Variants in ATF1 observed in about 807,000 individuals in gnomAD.
ATF1 encodes activating transcription factor 1.
A neutral mutation model predicts 34.7 loss-of-function variants in ATF1; 16 were observed. The observed-to-expected ratio is 0.46, with a 90% CI of 0.31 to 0.70. The LOEUF (loss-of-function observed/expected upper bound fraction) is 0.70, where lower values mean the gene tolerates loss of function less well. Among genes scored for constraint, ATF1 ranks in the 30% least tolerant of loss-of-function variants. The probability of loss-of-function intolerance (pLI) is 0.05; values close to 1 mark genes in which losing one functional copy is unlikely to be tolerated. For synonymous variants in ATF1, 105 were observed against 113.1 expected, an observed-to-expected ratio of 0.93 and a Z score of 0.46; for missense variants, 255 against 321.6, an observed-to-expected ratio of 0.79 and a Z score of 1.58.
intron 2 of ATF1, among the ~76,000 whole-genome samples, chr12:50,795,649 A>ACC (rs2139670901): frequency 6.6e-6 from 1 of 152,166 alleles, no homozygotes; most frequent in Non-Finnish European, 1.5e-5. Context: ...CTCTGGTAAA[A>ACC]TAGTACTGCT....
At chr12:50,774,315 G>A (rs375609356) in intron 1 of ATF1, among the ~76,000 whole-genome samples, 3 of 152,232 alleles carry the variant, frequency 2.0e-5, no homozygotes, top group Admixed American at 1.3e-4. Flanking sequence ...GATTACAGGC[G>A]TGAGCCACCG....
At chr12:50,780,852 C>T (rs955171452) in intron 2 of ATF1, among the ~76,000 whole-genome samples, 1 of 151,698 alleles carries the variant, frequency 6.6e-6, no homozygotes, top group Admixed American at 6.6e-5. Flanking sequence ...CCCAGCTGCT[C>T]GGGAGGCTGA....
intron 1 of ATF1, among the ~76,000 whole-genome samples, chr12:50,767,239 C>T (rs1391143545): frequency 1.3e-5 from 2 of 152,062 alleles, no homozygotes; most frequent in African/African-American, 2.4e-5. Context: ...AAAAATCAGC[C>T]TGGCACGGTG....
At chr12:50,794,047 T>G (rs1398992835) in intron 2 of ATF1, among the ~76,000 whole-genome samples, 1 of 151,838 alleles carries the variant, frequency 6.6e-6, no homozygotes, top group Non-Finnish European at 1.5e-5. Flanking sequence ...ACCTCCCAGG[T>G]TCACGCCCTT....
At chr12:50,815,392 A>AT (rs764912430) in intron 6 of ATF1, among the ~76,000 whole-genome samples, 2,409 of 147,732 alleles carry the variant, frequency 0.016, 22 homozygotes, top group African/African-American at 0.031. Context: ...GGTTTTTGTG[A>AT]TTTTTTTTTT....
intron 4 of ATF1, 104 bp from the exon 5 acceptor site, chr12:50,813,906 A>T: frequency 8.9e-7 from 1 of 1,126,394 alleles, no homozygotes; most frequent in Non-Finnish European, 1.3e-6. Context: ...GTAGAAGTGC[A>T]TTCATACCTG....
At chr12:50,783,281 G>T (rs1941111558) in intron 2 of ATF1, among the ~76,000 whole-genome samples, 1 of 152,112 alleles carries the variant, frequency 6.6e-6, no homozygotes, top group South Asian at 2.1e-4. Flanking sequence ...TGACCCAAAG[G>T]GGTTAGTCCT....
chr12:50,815,112 A>T (rs1252830425), intron 6 of ATF1, among the ~76,000 whole-genome samples: 1 of 151,564 alleles, frequency 6.6e-6, no homozygotes, highest in Non-Finnish European at 1.5e-5. Context: ...ACAGAGTGAG[A>T]CTCTGTCTCA....
intron 2 of ATF1, chr12:50,788,299 C>T: frequency 2.3e-6 from 1 of 442,806 alleles, no homozygotes; most frequent in Admixed American, 2.5e-5. Context: ...CCTCCTGCCT[C>T]AGCTCCCCAA....
At chr12:50,795,775 C>A in intron 2 of ATF1, 134 bp from the exon 3 acceptor site, 2 of 717,950 alleles carry the variant, frequency 2.8e-6, no homozygotes, top group Non-Finnish European at 4.6e-6. Context: ...TTGTTCCTTT[C>A]TTTTAGACTT....
chr12:50,812,713 A>G (rs964298442), intron 4 of ATF1, among the ~76,000 whole-genome samples: 5 of 152,060 alleles, frequency 3.3e-5, no homozygotes, highest in Non-Finnish European at 5.9e-5. Flanking sequence ...AGTTCCAGCT[A>G]CTTGGGAGGC....
chr12:50,767,388 C>T (rs1276404908), intron 1 of ATF1, among the ~76,000 whole-genome samples: 1 of 152,088 alleles, frequency 6.6e-6, no homozygotes, highest in Non-Finnish European at 1.5e-5. Context: ...GGTGTGGTGG[C>T]GTGCGCCTGT....
In ATF1 at chr12:50,819,744, A is replaced by T. The variant is rs1941911473; in HGVS notation, c.781A>T (p.Thr261Ser). The T allele has an allele frequency of 6.3e-7, 1 of 1,583,138 alleles. No individual in the cohort carries two copies. The highest frequency in any genetic ancestry group is 8.6e-7 in the Non-Finnish European group (1 of 1,160,622). ...QNKTLIEELKTLKDLYSNKSV is the reference protein window; with the variant it reads ...QNKTLIEELKSLKDLYSNKSV ...TAAAACTCTAATAGAAGAGTTAAAA[A>T]CTTTGAAGGATCTTTATTCCAATAA... The change falls in exon 7 of 7, where the codon ACT becomes TCT. Residue 261 changes from threonine (T) to serine (S), a missense_variant. Coordinates refer to ENST00000262053, the MANE Select transcript of ATF1 (RefSeq NM_005171.5).
intron 1 of ATF1, among the ~76,000 whole-genome samples, chr12:50,776,963 A>G (rs951830150): frequency 3.9e-5 from 6 of 152,070 alleles, no homozygotes; most frequent in Non-Finnish European, 7.4e-5. Flanking sequence ...CCCGGGTTCA[A>G]GCGATTCTCC....
intron 2 of ATF1, among the ~76,000 whole-genome samples, chr12:50,786,805 C>A (rs1430404746): frequency 2.0e-5 from 3 of 152,094 alleles, no homozygotes; most frequent in African/African-American, 7.2e-5. Context: ...TGGGCCAGGA[C>A]AACAAAGAAC....
At chr12:50,783,065 A>G (rs1320439758) in intron 2 of ATF1, among the ~76,000 whole-genome samples, 1 of 152,000 alleles carries the variant, frequency 6.6e-6, no homozygotes, top group Non-Finnish European at 1.5e-5. Context: ...TTCTCTCACT[A>G]ATTTTTTTTG....
At chr12:50,813,296 C>G (rs1941775152) in intron 4 of ATF1, among the ~76,000 whole-genome samples, 1 of 152,100 alleles carries the variant, frequency 6.6e-6, no homozygotes, top group Admixed American at 6.5e-5. Flanking sequence ...AAGTAAATAT[C>G]TTAATAACAT....
At chr12:50,763,842 T>G (rs1940551882), upstream of ATF1, 2 of 151,702 alleles carry the variant, frequency 1.3e-5, no homozygotes, top group South Asian at 2.1e-4. Flanking sequence ...GGGGTACAGC[T>G]CCTAAGGAGA....
At chr12:50,813,856 C>T (rs942990703) in intron 4 of ATF1, among the ~76,000 whole-genome samples, 154 bp from the exon 5 acceptor site, 21 of 151,954 alleles carry the variant, frequency 1.4e-4, no homozygotes, top group Non-Finnish European at 2.4e-4. Context: ...ATTCCTTTTA[C>T]ATGTAGTTCA....
Sources: allele counts gnomAD v4.1 joint callset (sites outside exome capture counted in the v4.1 genomes callset), GRCh38; gene constraint gnomAD v4.1.1; transcripts MANE v1.5; gene names NCBI Gene and HGNC (gene_info 2026-07-23, HGNC 2026-07-21).